The following POLA1 variants were observed in gnomAD, a reference collection of about 807,000 sequenced individuals.
The protein encoded by POLA1 is DNA polymerase alpha catalytic subunit.
Under a neutral mutation model 124.0 loss-of-function variants are expected in POLA1, and 15 were observed. The ratio of observed to expected loss-of-function variants is 0.12; its 90% CI spans 0.08 to 0.19. The LOEUF (loss-of-function observed/expected upper bound fraction) is 0.19, where lower values mean the gene tolerates loss of function less well. Ranked by LOEUF, POLA1 falls within the 10% of genes least tolerant of loss-of-function variation. The pLI, the probability that POLA1 is intolerant of heterozygous loss-of-function variation, is 1.00. For missense variants in POLA1, 886 were observed against 1,103.4 expected (o/e 0.80, Z 2.79); for synonymous variants, 408 against 389.4 (o/e 1.05, Z -0.56).
In POLA1 at chrX:24,716,926, G is replaced by A; in HGVS notation, c.661G>A (p.Glu221Lys). The stretch of plus-strand genomic sequence containing the variant: ...AATTGCTTCCCCTGTCTCCAGAAAG[G>A]AGCCTCCATTAACTCCTGTTCCTCT... Reference protein sequence around the residue: ...GKIASPVSRKEPPLTPVPLKR... With the variant: ...GKIASPVSRKKPPLTPVPLKR... Residue 221 changes from glutamate to lysine, a missense_variant, in exon 8 of 37, where the codon GAG (glutamate) becomes AAG (lysine). Around this residue, in one of 7 missense-constraint regions of POLA1, gnomAD observed 337 missense variants for 402.8 expected, o/e 0.84. Coordinates refer to ENST00000379068, the MANE Select transcript of POLA1 (RefSeq NM_001330360.2). 3 of 1,201,068 alleles carry A rather than the reference G, an allele frequency of 2.5e-6. No homozygotes were observed. The South Asian group carries it at 5.4e-5, about 21-fold the overall frequency.
chrX:24,894,527 C>T (rs1031422071), intron 35 of POLA1, among the ~76,000 whole-genome samples: 5 of 112,056 alleles, frequency 4.5e-5, no homozygotes, highest in African/African-American at 1.6e-4. Context: ...CAAGTGTTGG[C>T]GGGGCCATTT....
At chrX:24,973,850 C>G (rs1269064291) in intron 36 of POLA1, among the ~76,000 whole-genome samples, 2 of 111,516 alleles carry the variant, frequency 1.8e-5, no homozygotes, top group East Asian at 5.6e-4. Flanking sequence ...ACACAAGCTT[C>G]CCTTTCTTGG....
At chrX:24,757,043 T>C (rs1446433229) in intron 26 of POLA1, among the ~76,000 whole-genome samples, 1 of 111,386 alleles carries the variant, frequency 9.0e-6, no homozygotes, top group African/African-American at 3.3e-5. Context: ...AAGGCTAATA[T>C]GAAGGTTTAA....
chrX:24,783,760 T>C (rs1213465361), intron 26 of POLA1, among the ~76,000 whole-genome samples: 1 of 111,993 alleles, frequency 8.9e-6, no homozygotes, highest in Non-Finnish European at 1.9e-5. Context: ...TGTGCAGATA[T>C]CAGTGTTCTG....
rs1445994997 is a variant in POLA1, at chrX:24,926,626, A to T, written c.4165-3827A>T. On this transcript the variant is annotated intron_variant, in intron 35 of 36. Transcript: ENST00000379068. Reference sequence around the variant, plus strand: ...ATGAAAACTTCTCAGCCTATTTTGGATAACATAAATTCCTTGATCTTGAGC... The same window carrying T: ...ATGAAAACTTCTCAGCCTATTTTGGTTAACATAAATTCCTTGATCTTGAGC... 4.5e-5 allele frequency among the ~76,000 whole-genome samples: 5 copies of T among 111,775 alleles called. No individual in the cohort carries two copies. The South Asian group carries it at 1.9e-3, about 42-fold the overall frequency.
intron 35 of POLA1, among the ~76,000 whole-genome samples, chrX:24,922,200 A>G (rs981314038): frequency 5.5e-5 from 6 of 109,943 alleles, no homozygotes; most frequent in South Asian, 7.9e-4. Context: ...TCAGCCTCCC[A>G]AGTAGCTGGG....
chrX:24,745,098 CAGAT>C (rs933219178), intron 23 of POLA1, among the ~76,000 whole-genome samples: 4 of 107,016 alleles, frequency 3.7e-5, no homozygotes, highest in South Asian at 4.3e-4. Flanking sequence ...TGACACGTCT[CAGAT>C]AGCTGATTGG....
intron 19 of POLA1, among the ~76,000 whole-genome samples, chrX:24,738,739 C>T (rs1262174802): frequency 6.3e-5 from 7 of 111,802 alleles, no homozygotes; most frequent in Non-Finnish European, 1.3e-4. Flanking sequence ...TCTTCCTAAA[C>T]CTGATACTGC....
At chrX:24,717,165 T>C in intron 8 of POLA1, 125 bp from the exon 9 acceptor site, 1 of 589,061 alleles carries the variant, frequency 1.7e-6, no homozygotes, top group East Asian at 3.6e-5. Flanking sequence ...AATGCAAACA[T>C]AGTATAGAAA....
intron 36 of POLA1, among the ~76,000 whole-genome samples, chrX:24,933,777 C>T (rs2047812829): frequency 8.9e-6 from 1 of 112,350 alleles, no homozygotes; most frequent in African/African-American, 3.2e-5. Context: ...AAAAGTAGCT[C>T]TTGTCAAAGC....
At position 24,745,405 on chromosome X, in the gene POLA1, T is replaced by C. The variant is rs1448163430; in HGVS notation, c.2567-13T>C. ...TTCTTTAGACTTTTTATGACGTGGC[T>C]TTTTAATTTCAGGTTTTTATGATAA... On this transcript the variant is annotated splice_polypyrimidine_tract_variant and intron_variant, in intron 23 of 36. Transcript: ENST00000379068. 1 of 1,142,679 alleles carries C rather than the reference T, an allele frequency of 8.8e-7. No individual in the cohort carries two copies. The highest frequency in any genetic ancestry group is 2.8e-5 in the Admixed American group (1 of 36,350). 94.2% of individuals were successfully genotyped at this position (1,142,679 alleles called of 1,213,427 possible).
chrX:24,732,017 C>T (rs1159357061), intron 15 of POLA1, among the ~76,000 whole-genome samples: 3 of 111,933 alleles, frequency 2.7e-5, no homozygotes, highest in African/African-American at 6.5e-5. Context: ...CGCAGTGGTG[C>T]GATCTCAGTT....
At chrX:24,917,972 G>T (rs962594871) in intron 35 of POLA1, among the ~76,000 whole-genome samples, 2 of 111,243 alleles carry the variant, frequency 1.8e-5, no homozygotes, top group African/African-American at 6.5e-5. Flanking sequence ...GTAAACCAAG[G>T]CTTCGAGAGG....
intron 31 of POLA1, among the ~76,000 whole-genome samples, chrX:24,822,765 A>T (rs1157432747): frequency 1.8e-5 from 2 of 112,017 alleles, no homozygotes; most frequent in Non-Finnish European, 3.8e-5. Context: ...CAATTTTCAT[A>T]TTATGCAAAT....
chrX:24,987,124 A>C (rs1412570233), intron 36 of POLA1, among the ~76,000 whole-genome samples: 1 of 112,357 alleles, frequency 8.9e-6, no homozygotes, highest in African/African-American at 3.2e-5. Flanking sequence ...CTCTGAGGGA[A>C]ACCAGCTGCC....
intron 26 of POLA1, among the ~76,000 whole-genome samples, chrX:24,804,208 C>A (rs2045764043): frequency 9.1e-6 from 1 of 110,460 alleles, no homozygotes; most frequent in Admixed American, 9.7e-5. Context: ...AGACACAAAT[C>A]TAAGAATAAC....
At chrX:24,749,957 A>G (rs902958462) in intron 26 of POLA1, among the ~76,000 whole-genome samples, 11 of 112,080 alleles carry the variant, frequency 9.8e-5, no homozygotes, top group African/African-American at 3.6e-4. Context: ...ATTTAGCCTT[A>G]AAGGAGGTAG....
At chrX:24,696,930 G>A (rs1157154132) in intron 1 of POLA1, among the ~76,000 whole-genome samples, 1 of 110,814 alleles carries the variant, frequency 9.0e-6, no homozygotes, top group African/African-American at 3.3e-5. Context: ...TCTTTTGCTT[G>A]TGCCACTTTT....
chrX:24,992,553 C>T (rs1355269524), intron 36 of POLA1, among the ~76,000 whole-genome samples: 1 of 112,519 alleles, frequency 8.9e-6, no homozygotes, highest in East Asian at 2.8e-4. Context: ...AGAACAGAGA[C>T]GGCTGCTGCC....
Sources: allele counts gnomAD v4.1 joint callset (sites outside exome capture counted in the v4.1 genomes callset), GRCh38; gene constraint gnomAD v4.1.1; regional missense constraint gnomAD v4.1.1; transcripts MANE v1.5; gene names NCBI Gene and HGNC (gene_info 2026-07-23, HGNC 2026-07-21).